Variants in SUGCT observed in about 807,000 individuals in gnomAD.
The protein encoded by SUGCT is succinyl-CoA:glutarate-CoA transferase, also known as succinyl-CoA:glutarate CoA-transferase.
In SUGCT, 41 loss-of-function variants were observed where a neutral mutation model predicts 55.0. The ratio of observed to expected loss-of-function variants is 0.74; its 90% confidence interval spans 0.58 to 0.97. The LOEUF (loss-of-function observed/expected upper bound fraction) is 0.97, where lower values mean the gene tolerates loss of function less well. Ranked by LOEUF, SUGCT falls within the 50% of genes least tolerant of loss-of-function variation. The probability of loss-of-function intolerance (pLI) is 0.00; values close to 1 mark genes in which losing one functional copy is unlikely to be tolerated. For synonymous variants in SUGCT, 187 were observed against 200.4 expected, an observed-to-expected ratio of 0.93 and a Z score of 0.56; for missense variants, 568 against 547.8, an observed-to-expected ratio of 1.04 and a Z score of -0.37.
intron 9 of SUGCT, among the ~76,000 whole-genome samples, chr7:40,379,135 G>A (rs887321843): frequency 6.6e-6 from 1 of 152,162 alleles, no homozygotes; most frequent in African/African-American, 2.4e-5. Context: ...AGGAATGCTG[G>A]CAGCTACCAG....
intron 12 of SUGCT, among the ~76,000 whole-genome samples, chr7:40,526,351 T>A (rs1793795680): frequency 6.6e-6 from 1 of 152,194 alleles, no homozygotes; most frequent in South Asian, 2.1e-4. Flanking sequence ...CAATAGCTGT[T>A]AACTGTTTTC....
At chr7:40,523,943 T>C (rs533033702) in intron 12 of SUGCT, among the ~76,000 whole-genome samples, 1 of 152,226 alleles carries the variant, frequency 6.6e-6, no homozygotes, top group African/African-American at 2.4e-5. Flanking sequence ...CTATTATATA[T>C]AGATTTTAGA....
intron 9 of SUGCT, among the ~76,000 whole-genome samples, chr7:40,378,994 C>G (rs1172070329): frequency 6.6e-6 from 1 of 152,056 alleles, no homozygotes; most frequent in Non-Finnish European, 1.5e-5. Context: ...GGAAGTTAGC[C>G]TGGATTATCT....
intron 12 of SUGCT, among the ~76,000 whole-genome samples, chr7:40,616,436 C>T (rs1325945466): frequency 6.6e-6 from 1 of 152,220 alleles, no homozygotes; most frequent in African/African-American, 2.4e-5. Flanking sequence ...CCCGCCTCAG[C>T]CTCCCAAAGT....
chr7:40,451,674 G>A (rs751955190), intron 10 of SUGCT, among the ~76,000 whole-genome samples: 15 of 152,160 alleles, frequency 9.9e-5, no homozygotes, highest in Non-Finnish European at 1.3e-4. Flanking sequence ...AGCATCCTGC[G>A]TGAATGCTGC....
intron 12 of SUGCT, among the ~76,000 whole-genome samples, chr7:40,547,374 C>T (rs1237400634): frequency 1.3e-5 from 2 of 152,144 alleles, no homozygotes; most frequent in African/African-American, 4.8e-5. Flanking sequence ...ACCCTGTGGC[C>T]CTGTCAAGTT....
chr7:40,219,685 G>A (rs1257862969), intron 6 of SUGCT, among the ~76,000 whole-genome samples: 1 of 151,604 alleles, frequency 6.6e-6, no homozygotes, highest in African/African-American at 2.4e-5. Context: ...TCTTCTGTTT[G>A]GATGTTTAAA....
At chr7:40,820,937 C>T (rs1791958904) in intron 13 of SUGCT, among the ~76,000 whole-genome samples, 2 of 152,134 alleles carry the variant, frequency 1.3e-5, no homozygotes, top group South Asian at 4.1e-4. Context: ...AGATACGTCC[C>T]ATCAATACCT....
intron 12 of SUGCT, among the ~76,000 whole-genome samples, chr7:40,709,626 G>A (rs2128670206): frequency 6.6e-6 from 1 of 152,342 alleles, no homozygotes; most frequent in East Asian, 1.9e-4. Context: ...GAAGGACACA[G>A]GTGTAAACGT....
intron 6 of SUGCT, among the ~76,000 whole-genome samples, chr7:40,209,800 C>A (rs1554289460): frequency 6.6e-6 from 1 of 151,572 alleles, no homozygotes; most frequent in Non-Finnish European, 1.5e-5. Flanking sequence ...TATCTCAAAA[C>A]AAAACAAACA....
At chr7:40,271,996 G>A (rs913387380) in intron 7 of SUGCT, among the ~76,000 whole-genome samples, 1 of 149,942 alleles carries the variant, frequency 6.7e-6, no homozygotes, top group Non-Finnish European at 1.5e-5. Flanking sequence ...CCATATTGTT[G>A]CAAATGACAG....
chr7:40,616,319 C>T (rs2151782499), intron 12 of SUGCT, among the ~76,000 whole-genome samples: 1 of 152,258 alleles, frequency 6.6e-6, no homozygotes, highest in Non-Finnish European at 1.5e-5. Context: ...CCTGAGCCTC[C>T]CAAGTAGCTG....
chr7:40,575,358 A>C (rs1796682082), intron 12 of SUGCT, among the ~76,000 whole-genome samples: 1 of 152,110 alleles, frequency 6.6e-6, no homozygotes, highest in South Asian at 2.1e-4. Context: ...AACAACAAAA[A>C]ACTAACCACC....
In SUGCT at chr7:40,523,940, A is replaced by G. The variant is rs190900291; in HGVS notation, c.1089+27554A>G. Among the ~76,000 whole-genome samples, 313 of 152,152 alleles carry G rather than the reference A, an allele frequency of 2.1e-3. 1 individual carries two copies. The highest frequency in any genetic ancestry group is 7.2e-3 in the African/African-American group (297 of 41,526). On this transcript the variant is annotated intron_variant, in intron 12 of 13. Transcript: ENST00000335693. ...CTTGCTGATTTCATGGATCTATTATATATAGATTTTAGAATCACATGAGAG... is the reference window on the plus strand; with the variant it reads ...CTTGCTGATTTCATGGATCTATTATGTATAGATTTTAGAATCACATGAGAG...
chr7:40,208,465 A>C (rs1787128285), intron 6 of SUGCT, among the ~76,000 whole-genome samples: 1 of 152,236 alleles, frequency 6.6e-6, no homozygotes, highest in Admixed American at 6.5e-5. Flanking sequence ...AAATGTTTTA[A>C]TATGTCTTGG....
chr7:40,580,680 T>C (rs1797039929), intron 12 of SUGCT, among the ~76,000 whole-genome samples: 1 of 152,226 alleles, frequency 6.6e-6, no homozygotes, highest in Non-Finnish European at 1.5e-5. Flanking sequence ...TTGATTAATA[T>C]GTGCAGTCAT....
the SUGCT span, among the ~76,000 whole-genome samples, chr7:41,002,373 G>A: frequency 6.6e-6 from 1 of 152,160 alleles, no homozygotes; most frequent in African/African-American, 2.4e-5. Context: ...GAACAAGCAG[G>A]TCAGTAAATA....
chr7:40,902,101 G>T, the SUGCT span, among the ~76,000 whole-genome samples: 1 of 151,772 alleles, frequency 6.6e-6, no homozygotes, highest in East Asian at 1.9e-4. Flanking sequence ...TCACCCAAGT[G>T]GTTCTGCAAA....
chr7:40,590,666 G>A, intron 12 of SUGCT, among the ~76,000 whole-genome samples: 1 of 152,202 alleles, frequency 6.6e-6, no homozygotes, highest in Admixed American at 6.5e-5. Flanking sequence ...AGAGAAGTCA[G>A]TTCCTGGCTT....
Sources: gnomAD v4.1 joint callset for allele counts (sites outside exome capture counted in the v4.1 genomes callset) on GRCh38, gnomAD v4.1.1 for gene constraint, MANE v1.5 for transcripts, NCBI Gene and HGNC (gene_info 2026-07-23, HGNC 2026-07-21) for gene names.